NTM: variants seen among roughly 807,000 people sequenced by gnomAD.
NTM encodes IgLON family member 2.
NTM carries 13 observed loss-of-function variants against 42.1 expected under a neutral mutation model. The ratio of observed to expected loss-of-function variants is 0.31; its 90% confidence interval spans 0.20 to 0.49. The LOEUF (loss-of-function observed/expected upper bound fraction) is 0.49, where lower values mean the gene tolerates loss of function less well. NTM is among the 20% of genes least tolerant of loss of function. NTM has a pLI of 0.99. For missense variants in NTM, 373 were observed against 452.8 expected (o/e 0.82, Z 1.60); for synonymous variants, 187 against 179.2 (o/e 1.04, Z -0.35).
At chr11:132,072,549 C>A (rs2057828326) in intron 2 of NTM, among the ~76,000 whole-genome samples, 1 of 152,094 alleles carries the variant, frequency 6.6e-6, no homozygotes, top group Non-Finnish European at 1.5e-5. Context: ...TTGCCTTTAG[C>A]TATATTTTCA....
At chr11:131,682,790 C>T (rs1431189386) in intron 1 of NTM, among the ~76,000 whole-genome samples, 4 of 152,158 alleles carry the variant, frequency 2.6e-5, no homozygotes, top group African/African-American at 9.7e-5. Context: ...GCTGGATCCC[C>T]TTTGGCTCCT....
At chr11:132,106,876 G>A (rs562878280) in intron 2 of NTM, among the ~76,000 whole-genome samples, 10 of 152,228 alleles carry the variant, frequency 6.6e-5, no homozygotes, top group Admixed American at 1.3e-4. Context: ...TTCCCTGAGC[G>A]TGATCATTTA....
chr11:131,712,514 G>A (rs1191710122), intron 1 of NTM, among the ~76,000 whole-genome samples: 1 of 152,088 alleles, frequency 6.6e-6, no homozygotes, highest in Admixed American at 6.5e-5. Flanking sequence ...ATAACTAGTG[G>A]GATAATAGAT....
intron 1 of NTM, among the ~76,000 whole-genome samples, chr11:131,553,221 C>T (rs1443281943): frequency 1.3e-5 from 2 of 152,122 alleles, no homozygotes; most frequent in East Asian, 1.9e-4. Flanking sequence ...TATTTCTTGT[C>T]TGGGTGGTGG....
rs141596600 is a variant in NTM at position 132,220,110 on chromosome 11, A to G, written c.526+7963A>G. On this transcript the variant is annotated intron_variant, in intron 4 of 8. Transcript: ENST00000683400. ...GGTGGGAGAACAAAAAAATAATTGC[A>G]TCATAATGGAAAGTGGCCAGCTTCC... 1.8e-3 allele frequency among the ~76,000 whole-genome samples: 274 copies of G among 152,342 alleles called. 1 individual carries two copies. The East Asian group carries it at 0.026, about 14-fold the overall frequency.
intron 1 of NTM, among the ~76,000 whole-genome samples, chr11:131,689,719 T>C (rs1003322760): frequency 6.6e-5 from 10 of 151,990 alleles, no homozygotes; most frequent in African/African-American, 2.4e-4. Context: ...CTGTCCCATC[T>C]CCCCTCCCAT....
intron 2 of NTM, among the ~76,000 whole-genome samples, chr11:132,134,119 C>G (rs1162733828): frequency 6.6e-6 from 1 of 152,136 alleles, no homozygotes; most frequent in Non-Finnish European, 1.5e-5. Context: ...AACAGGGTCT[C>G]ACCATGTTGC....
At chr11:131,416,610 T>C (rs974452236) in intron 1 of NTM, among the ~76,000 whole-genome samples, 4 of 152,160 alleles carry the variant, frequency 2.6e-5, no homozygotes, top group Non-Finnish European at 4.4e-5. Flanking sequence ...AATAAACAGA[T>C]TCAGTCTAAA....
chr11:131,973,380 T>A (rs2063838248), intron 2 of NTM, among the ~76,000 whole-genome samples: 1 of 152,230 alleles, frequency 6.6e-6, no homozygotes, highest in Non-Finnish European at 1.5e-5. Context: ...TGTGGAATAG[T>A]TCAGCCCCTC....
chr11:131,702,748 A>G (rs2076202370), intron 1 of NTM, among the ~76,000 whole-genome samples: 1 of 152,244 alleles, frequency 6.6e-6, no homozygotes, highest in Admixed American at 6.5e-5. Context: ...TTCTGAGAGA[A>G]TAATGTTGAT....
chr11:131,882,829 C>T (rs904326064), intron 1 of NTM, among the ~76,000 whole-genome samples: 1 of 152,156 alleles, frequency 6.6e-6, no homozygotes, highest in African/African-American at 2.4e-5. Context: ...AACATTTAGG[C>T]TTGCTGCAAT....
intron 1 of NTM, among the ~76,000 whole-genome samples, chr11:131,560,664 A>T (rs1378044424): frequency 6.6e-6 from 1 of 152,230 alleles, no homozygotes; most frequent in Non-Finnish European, 1.5e-5. Flanking sequence ...ATTCTTCATG[A>T]AAAACCTTTA....
At chr11:131,504,231 C>G (rs1010387940) in intron 1 of NTM, among the ~76,000 whole-genome samples, 1 of 152,192 alleles carries the variant, frequency 6.6e-6, no homozygotes, top group African/African-American at 2.4e-5. Context: ...ACAGCGCATG[C>G]CTGAATTCAG....
intron 4 of NTM, among the ~76,000 whole-genome samples, chr11:132,294,174 A>G (rs994908647): frequency 6.6e-6 from 1 of 152,110 alleles, no homozygotes; most frequent in African/African-American, 2.4e-5. Flanking sequence ...CTTCTGATTT[A>G]CCTAAGCAAC....
intron 2 of NTM, among the ~76,000 whole-genome samples, chr11:131,955,677 C>T (rs1344147000): frequency 6.6e-6 from 1 of 152,042 alleles, no homozygotes; most frequent in Non-Finnish European, 1.5e-5. Context: ...CTGGAAGGAC[C>T]CATGTCCCTC....
At position 132,314,593 on chromosome 11, in the gene NTM, CTT is replaced by C. The variant is rs1565457889; in HGVS notation, c.826_827del (p.Phe276ProfsTer11). On this transcript the variant is annotated frameshift_variant, in exon 7 of 9. Transcript: ENST00000683400. LOFTEE classifies it high-confidence loss of function. ...AAAGGGGTGAAAGTGGAAAACAGACCTTTCCTCTCAAAACTCATCTTCTTCAA... is the reference window on the plus strand; with the variant it reads ...AAAGGGGTGAAAGTGGAAAACAGACCTCCTCTCAAAACTCATCTTCTTCAA... 1 of 1,613,540 alleles carries C rather than the reference CTT, an allele frequency of 6.2e-7. No homozygotes were observed. The highest frequency in any genetic ancestry group is 8.5e-7 in the Non-Finnish European group (1 of 1,179,714).
At chr11:131,757,373 A>C (rs1241147761) in intron 1 of NTM, among the ~76,000 whole-genome samples, 1 of 152,204 alleles carries the variant, frequency 6.6e-6, no homozygotes, top group Non-Finnish European at 1.5e-5. Context: ...GGAGTCATGC[A>C]TGGACTCCAA....
chr11:132,230,589 G>A (rs943695001), intron 4 of NTM, among the ~76,000 whole-genome samples: 2 of 152,218 alleles, frequency 1.3e-5, no homozygotes, highest in Admixed American at 1.3e-4. Context: ...AAGCAGCCGC[G>A]CCTTGCGCAC....
intron 1 of NTM, among the ~76,000 whole-genome samples, chr11:131,449,888 A>G (rs895086337): frequency 1.3e-5 from 2 of 152,134 alleles, no homozygotes; most frequent in African/African-American, 4.8e-5. Flanking sequence ...GAGTCAAGAA[A>G]AGGCAGCTTC....
Sources: gnomAD v4.1 joint callset for allele counts (sites outside exome capture counted in the v4.1 genomes callset) on GRCh38, gnomAD v4.1.1 for gene constraint, MANE v1.5 for transcripts, NCBI Gene and HGNC (gene_info 2026-07-23, HGNC 2026-07-21) for gene names.